ADGRV1: variants seen among roughly 807,000 people sequenced by gnomAD.
ADGRV1 encodes the protein adhesion G protein-coupled receptor V1.
ADGRV1 carries 359 observed loss-of-function variants against 596.2 expected under a neutral mutation model. That is an observed-to-expected ratio of 0.60 (90% CI 0.55 to 0.66). The LOEUF (loss-of-function observed/expected upper bound fraction) is 0.66. Ranked by LOEUF, ADGRV1 falls within the 30% of genes least tolerant of loss-of-function variation. The pLI is 0.00. For synonymous variants in ADGRV1, 2,681 were observed against 2,679.2 expected (o/e 1.00, Z -0.02); for missense variants, 7,274 against 7,575.6 (o/e 0.96, Z 1.48).
intron 85 of ADGRV1, among the ~76,000 whole-genome samples, chr5:91,027,391 T>C (rs1391005203): frequency 6.6e-6 from 1 of 152,122 alleles, no homozygotes; most frequent in Non-Finnish European, 1.5e-5. Flanking sequence ...TTCTGTTCAT[T>C]TGCAATACTG....
intron 1 of ADGRV1, among the ~76,000 whole-genome samples, chr5:90,588,250 G>A (rs1220820705): frequency 6.6e-6 from 1 of 152,260 alleles, no homozygotes; most frequent in East Asian, 1.9e-4. Context: ...TATAGAGGGA[G>A]GAAAAGAATG....
chr5:90,709,261 G>C (rs565045842), intron 39 of ADGRV1, among the ~76,000 whole-genome samples: 2 of 152,010 alleles, frequency 1.3e-5, no homozygotes, highest in African/African-American at 4.8e-5. Flanking sequence ...TTTTCTTTTA[G>C]GTTAAGCAGT....
At chr5:90,879,437 AAC>A (rs1769541493) in intron 83 of ADGRV1, among the ~76,000 whole-genome samples, 1 of 152,164 alleles carries the variant, frequency 6.6e-6, no homozygotes, top group South Asian at 2.1e-4. Context: ...ATGGAAGTAA[AAC>A]AGTTATTTTG....
At chr5:90,671,780 A>G (rs1415054555) in intron 21 of ADGRV1, among the ~76,000 whole-genome samples, 3 of 152,158 alleles carry the variant, frequency 2.0e-5, no homozygotes, top group African/African-American at 4.8e-5. Context: ...GAATTGAGAG[A>G]CTGAGGATTT....
chr5:90,790,521 G>T (rs1003059640), intron 69 of ADGRV1, among the ~76,000 whole-genome samples: 5 of 152,050 alleles, frequency 3.3e-5, no homozygotes, highest in African/African-American at 9.7e-5. Context: ...GATTTGAATT[G>T]TCAAATTATC....
intron 6 of ADGRV1, 39 bp downstream of exon 6, chr5:90,625,282 T>C (rs1764596002): frequency 7.7e-7 from 1 of 1,301,628 alleles, no homozygotes; most frequent in Admixed American, 1.8e-5. Flanking sequence ...ACAAGGATTC[T>C]GTGTTGCAGG....
Position 91,154,534 on chromosome 5 carries a change from G to A in ADGRV1, c.18802+1136G>A, listed in dbSNP as rs150916879. Among the ~76,000 whole-genome samples, 489 of 152,360 alleles carry A rather than the reference G, an allele frequency of 3.2e-3. 1 individual carries two copies. The highest frequency in any genetic ancestry group is 0.028 in the South Asian group (137 of 4,826). On this transcript the variant is annotated intron_variant, in intron 89 of 89. Coordinates refer to ENST00000405460, the MANE Select transcript of ADGRV1 (RefSeq NM_032119.4). ...ATGCAGGCCGCCTGGCCTTGAGACC[G>A]TGCTCTCAGCCGCTGTGGCACAACC...
At chr5:90,596,467 G>C (rs62375077) in intron 1 of ADGRV1, among the ~76,000 whole-genome samples, 1,568 of 151,978 alleles carry the variant, frequency 0.01, 15 homozygotes, top group Non-Finnish European at 0.017. Context: ...GTAGCGAGCC[G>C]AGATCACGCC....
chr5:90,881,882 T>G (rs1269221248), intron 83 of ADGRV1, among the ~76,000 whole-genome samples: 2 of 152,062 alleles, frequency 1.3e-5, no homozygotes, highest in African/African-American at 4.8e-5. Context: ...TCAACTTTTT[T>G]CTTTTTTTGT....
intron 83 of ADGRV1, among the ~76,000 whole-genome samples, chr5:90,948,905 ACAT>A (rs1347034036): frequency 6.6e-6 from 1 of 152,144 alleles, no homozygotes; most frequent in East Asian, 1.9e-4. Flanking sequence ...TGTAAGTCAA[ACAT>A]CATAAGTCGG....
Position 90,828,938 on chromosome 5 carries a change from TGTCAGGTACCACAGG to T in ADGRV1, c.16369-5_16378del, listed in dbSNP as rs1300566801. ...GTTGTTTTTTTTTCCTTTTTCTCATTGTCAGGTACCACAGGTTGAAGTGTATTTTTTTGTGGAACT... is the reference window on the plus strand; with the variant it reads ...GTTGTTTTTTTTTCCTTTTTCTCATTTTGAAGTGTATTTTTTTGTGGAACT... On this transcript the variant is annotated splice_acceptor_variant and splice_polypyrimidine_tract_variant and coding_sequence_variant and intron_variant, in exon 77 of 90. Transcript: ENST00000405460. LOFTEE classifies it high-confidence loss of function. 2.6e-6 allele frequency: 4 copies of T among 1,532,006 alleles called. No individual in the cohort carries two copies. The highest frequency in any genetic ancestry group is 3.5e-6 in the Non-Finnish European group (4 of 1,136,632). 94.9% of individuals were successfully genotyped at this position (1,532,006 alleles called of 1,614,324 possible).
intron 26 of ADGRV1, among the ~76,000 whole-genome samples, chr5:90,680,842 T>C (rs765460665): frequency 5.9e-5 from 9 of 152,204 alleles, no homozygotes; most frequent in East Asian, 1.9e-4. Context: ...TCAGGAGAGA[T>C]AGATTTATAG....
In ADGRV1 at chr5:90,823,624, C is replaced by T. The variant is rs780642395; in HGVS notation, c.16368+28C>T. ...AAGAAATGAAGAGACACACTAGTGT[C>T]AACTTCTAATTATATTTCTTTAGAA... On this transcript the variant is annotated intron_variant, in intron 76 of 89. Transcript: ENST00000405460. 5.7e-6 allele frequency: 9 copies of T among 1,572,148 alleles called. No homozygotes were observed. The East Asian group carries it at 2.0e-4, about 35-fold the overall frequency.
intron 86 of ADGRV1, among the ~76,000 whole-genome samples, chr5:91,078,868 T>C (rs1789081750): frequency 6.6e-6 from 1 of 152,242 alleles, no homozygotes; most frequent in Non-Finnish European, 1.5e-5. Context: ...CTAAGTTTGG[T>C]GCTAGCTTAT....
intron 86 of ADGRV1, among the ~76,000 whole-genome samples, chr5:91,093,947 G>T (rs569825913): frequency 3.1e-4 from 47 of 151,770 alleles, no homozygotes; most frequent in African/African-American, 8.0e-4. Context: ...AGCCTCTGGG[G>T]TTCAAGCAAT....
intron 25 of ADGRV1, among the ~76,000 whole-genome samples, chr5:90,677,246 A>G (rs888152419): frequency 6.6e-6 from 1 of 152,200 alleles, no homozygotes; most frequent in Non-Finnish European, 1.5e-5. Context: ...TTATGTATAA[A>G]ATAGATAATT....
intron 70 of ADGRV1, among the ~76,000 whole-genome samples, chr5:90,799,149 A>T (rs1047831378): frequency 4.6e-5 from 7 of 152,236 alleles, no homozygotes; most frequent in Non-Finnish European, 1.0e-4. Flanking sequence ...CTCTGTTTGC[A>T]GATGACATGA....
intron 1 of ADGRV1, among the ~76,000 whole-genome samples, chr5:90,604,608 A>G (rs1371978658): frequency 1.3e-5 from 2 of 152,174 alleles, no homozygotes; most frequent in Non-Finnish European, 2.9e-5. Flanking sequence ...TCAAAAATCT[A>G]TCCTTAGATC....
intron 1 of ADGRV1, among the ~76,000 whole-genome samples, chr5:90,566,698 C>T (rs1471037875): frequency 6.6e-6 from 1 of 151,966 alleles, no homozygotes. Context: ...TGTAATCTTG[C>T]TGAACTCTTT....
Sources: allele counts gnomAD v4.1 joint callset (sites outside exome capture counted in the v4.1 genomes callset), GRCh38; gene constraint gnomAD v4.1.1; transcripts MANE v1.5; gene names NCBI Gene and HGNC (gene_info 2026-07-23, HGNC 2026-07-21).